The following NSUN6 variants were observed in gnomAD, a reference collection of about 807,000 sequenced individuals.
The protein encoded by NSUN6 is tRNA (cytosine(72)-C(5))-methyltransferase NSUN6.
NSUN6 carries 64 observed loss-of-function variants against 58.0 expected under a neutral mutation model. The observed-to-expected ratio is 1.10, with a 90% CI of 0.90 to 1.36. The LOEUF (loss-of-function observed/expected upper bound fraction) is 1.36. NSUN6 is among the 40% of genes most tolerant of loss of function. The pLI, the probability that NSUN6 is intolerant of heterozygous loss-of-function variation, is 0.00. For missense variants in NSUN6, 701 were observed against 550.1 expected (o/e 1.27, Z -2.74); for synonymous variants, 231 against 193.9 (o/e 1.19, Z -1.59).
At chr10:18,625,703 A>C (rs765108217) in intron 3 of NSUN6, among the ~76,000 whole-genome samples, 2 of 129,176 alleles carry the variant, frequency 1.5e-5, no homozygotes, top group Non-Finnish European at 3.2e-5. Context: ...ACAGAGTGAG[A>C]CTATGTGTTT....
chr10:18,633,786 A>G (rs1182006694), intron 3 of NSUN6, among the ~76,000 whole-genome samples: 12 of 152,198 alleles, frequency 7.9e-5, no homozygotes, highest in African/African-American at 2.7e-4. Context: ...AAAGCAGCCC[A>G]AGAAAAGAGA....
rs80207641 is a variant in NSUN6, at chr10:18,651,584, T to C, written c.-381A>G. ...AGCAGCTCGGTCCCTTTATCTTTTC[T>C]ATCAATTTCCAAACACGCGCCCCCT... On this transcript the variant is annotated 5_prime_UTR_variant, in exon 1 of 11. It adds an upstream start codon to the 5' untranslated region. Coordinates refer to ENST00000377304, the MANE Select transcript of NSUN6 (RefSeq NM_182543.5). 515 of 991,500 alleles carry C rather than the reference T, an allele frequency of 5.2e-4. 2 individuals are homozygous for C. The East Asian group carries it at 0.011, about 21-fold the overall frequency. The allele number at this position is 991,500 out of a possible 1,614,324, so 61.4% of individuals were successfully genotyped here.
intron 3 of NSUN6, among the ~76,000 whole-genome samples, chr10:18,632,498 C>T: frequency 6.7e-6 from 1 of 149,308 alleles, no homozygotes; most frequent in Non-Finnish European, 1.5e-5. Context: ...ATTTTCACAA[C>T]CTACTCATCT....
upstream of NSUN6, chr10:18,658,679 C>A (rs762594340): frequency 2.0e-6 from 2 of 982,638 alleles, no homozygotes; most frequent in East Asian, 2.3e-4. Flanking sequence ...TTCCATGGCT[C>A]GTCTCCCAAT....
At position 18,611,791 on chromosome 10, in the gene NSUN6, A is replaced by C. The variant is rs528287590; in HGVS notation, c.576-1865T>G. On this transcript the variant is annotated intron_variant, in intron 5 of 10. Transcript: ENST00000377304. The stretch of plus-strand genomic sequence containing the variant: ...TCACTATGTTGCCCAGACTGGCATC[A>C]AACACCTAGACTCAAGTGATCCTCC... Among the ~76,000 whole-genome samples the C allele has an allele frequency of 1.8e-3, 271 of 152,082 alleles. 1 individual carries two copies. Among genetic ancestry groups the C allele is most frequent in the African/African-American group, 6.2e-3 (256 of 41,480 alleles).
At chr10:18,650,967 C>T (rs2059686431) in intron 1 of NSUN6, among the ~76,000 whole-genome samples, 162 bp downstream of exon 1, 1 of 152,146 alleles carries the variant, frequency 6.6e-6, no homozygotes, top group Non-Finnish European at 1.5e-5. Flanking sequence ...TCTCAGTAAG[C>T]TTTAATACCT....
At chr10:18,600,972 A>ATG (rs1564785081) in intron 6 of NSUN6, among the ~76,000 whole-genome samples, 16 of 113,884 alleles carry the variant, frequency 1.4e-4, no homozygotes, top group South Asian at 3.1e-4. Context: ...ATATATATAT[A>ATG]TATATGTATA....
At chr10:18,591,714 A>G (rs1244358515) in intron 7 of NSUN6, among the ~76,000 whole-genome samples, 1 of 152,104 alleles carries the variant, frequency 6.6e-6, no homozygotes, top group African/African-American at 2.4e-5. Flanking sequence ...TTGATGGAAC[A>G]TCTCAAAATA....
At chr10:18,658,177 TCAGTA>T (rs1200430779), upstream of NSUN6, 1 of 152,196 alleles carries the variant, frequency 6.6e-6, no homozygotes, top group Non-Finnish European at 1.5e-5. Context: ...TTGCATAGGG[TCAGTA>T]CATTCTTTTT....
At chr10:18,616,622 T>C (rs1331319175) in intron 3 of NSUN6, among the ~76,000 whole-genome samples, 1 of 152,180 alleles carries the variant, frequency 6.6e-6, no homozygotes, top group Admixed American at 6.5e-5. Context: ...AAGACTAAAA[T>C]AGAAAAATAC....
intron 4 of NSUN6, 84 bp from the exon 5 acceptor site, chr10:18,614,697 T>C: frequency 1.8e-6 from 1 of 570,114 alleles, no homozygotes; most frequent in South Asian, 5.2e-5. Context: ...ATCGGTGATC[T>C]CTAGAGGCAT....
chr10:18,603,979 C>T (rs999868964), intron 6 of NSUN6, among the ~76,000 whole-genome samples: 9 of 152,060 alleles, frequency 5.9e-5, no homozygotes, highest in Admixed American at 5.2e-4. Flanking sequence ...GTCAAGAGAT[C>T]GAGACCATCC....
intron 3 of NSUN6, among the ~76,000 whole-genome samples, chr10:18,640,747 T>G (rs531898131): frequency 6.6e-6 from 1 of 152,252 alleles, no homozygotes; most frequent in Non-Finnish European, 1.5e-5. Context: ...TTTCACTGTA[T>G]GTAACTTTCA....
chr10:18,643,578 A>T (rs976762671), intron 2 of NSUN6, among the ~76,000 whole-genome samples: 4 of 152,206 alleles, frequency 2.6e-5, no homozygotes, highest in African/African-American at 9.6e-5. Flanking sequence ...CCAAGTCACC[A>T]GCTCTCTGAA....
chr10:18,638,930 A>AT (rs2059306032), intron 3 of NSUN6, among the ~76,000 whole-genome samples: 1 of 146,318 alleles, frequency 6.8e-6, no homozygotes, highest in Non-Finnish European at 1.5e-5. Context: ...TAACAATGTT[A>AT]TAAAGCTTGA....
intron 3 of NSUN6, among the ~76,000 whole-genome samples, chr10:18,619,599 T>G: frequency 6.6e-6 from 1 of 152,234 alleles, no homozygotes; most frequent in East Asian, 1.9e-4. Flanking sequence ...ATCACTCAAC[T>G]ACATCATTTT....
At chr10:18,606,365 T>C (rs1272036185) in intron 6 of NSUN6, among the ~76,000 whole-genome samples, 3 of 134,924 alleles carry the variant, frequency 2.2e-5, no homozygotes, top group African/African-American at 8.5e-5. Flanking sequence ...CTCAAAACTG[T>C]CAAGGTCTTA....
intron 3 of NSUN6, among the ~76,000 whole-genome samples, chr10:18,634,803 A>G (rs2059158165): frequency 6.6e-6 from 1 of 151,978 alleles, no homozygotes; most frequent in South Asian, 2.1e-4. Flanking sequence ...ACGAATGCAG[A>G]AGAAAAAGAT....
intron 4 of NSUN6, among the ~76,000 whole-genome samples, chr10:18,615,406 T>C (rs1294526676): frequency 2.6e-5 from 4 of 152,244 alleles, no homozygotes; most frequent in Non-Finnish European, 5.9e-5. Flanking sequence ...GTTAAAATCA[T>C]GTAGATCAGA....
Sources: gnomAD v4.1 joint callset for allele counts (sites outside exome capture counted in the v4.1 genomes callset) on GRCh38, gnomAD v4.1.1 for gene constraint, MANE v1.5 for transcripts, NCBI Gene and HGNC (gene_info 2026-07-23, HGNC 2026-07-21) for gene names.